The following IKZF2 variants were observed in gnomAD, a reference collection of about 807,000 sequenced individuals.
IKZF2 encodes zinc finger protein Helios.
Under a neutral mutation model 49.2 loss-of-function variants are expected in IKZF2, and 15 were observed. The observed-to-expected ratio is 0.30, with a 90% confidence interval of 0.20 to 0.47. The LOEUF is 0.47. Among genes scored for constraint, IKZF2 ranks in the 20% least tolerant of loss-of-function variants. The pLI, the probability that IKZF2 is intolerant of heterozygous loss-of-function variation, is 1.00. For synonymous variants in IKZF2, 227 were observed against 221.4 expected (o/e 1.03, Z -0.23); for missense variants, 567 against 664.6 (o/e 0.85, Z 1.61).
At chr2:213,133,791 C>CT (rs1419286412) in intron 4 of IKZF2, among the ~76,000 whole-genome samples, 1 of 152,018 alleles carries the variant, frequency 6.6e-6, no homozygotes, top group Non-Finnish European at 1.5e-5. Flanking sequence ...GTAGATTACT[C>CT]TGACACTGGT....
At chr2:213,105,557 C>A (rs2059494758) in intron 4 of IKZF2, among the ~76,000 whole-genome samples, 3 of 110,058 alleles carry the variant, frequency 2.7e-5, no homozygotes, top group South Asian at 6.6e-4. Context: ...TTTTATCTGG[C>A]GTATTTAAAG....
chr2:213,151,788 ACGTG>A (rs1207656565), upstream of IKZF2, among the ~76,000 whole-genome samples: 4 of 146,640 alleles, frequency 2.7e-5, no homozygotes, highest in African/African-American at 9.8e-5. Context: ...GGGCGAGCGG[ACGTG>A]CGTGCGCGCG....
In IKZF2 at chr2:213,124,237, C is replaced by CACTT. The variant is rs1334107540; in HGVS notation, c.139+23470_139+23471insAAGT. Among the ~76,000 whole-genome samples, 13 of 84,072 alleles carry CACTT rather than the reference C, an allele frequency of 1.5e-4. No individual in the cohort carries two copies. In the East Asian group the frequency reaches 3.4e-3, roughly 22 times the overall value. 55.2% of individuals were successfully genotyped at this position (84,072 alleles called of 152,430 possible). On this transcript the variant is annotated intron_variant, in intron 4 of 8. Transcript: ENST00000434687. The stretch of plus-strand genomic sequence containing the variant: ...ATGTCCTTGTGTGCACGCACACATG[C>CACTT]GCTCGCGCGCGCGCGCACACACACA...
Position 213,007,395 on chromosome 2 carries a change from A to T in IKZF2, c.1546T>A (p.Ser516Thr). The change falls in exon 9 of 9, where the codon TCA becomes ACA. Residue 516 changes from serine to threonine, a missense_variant. Physicochemically the swap from Ser to Thr is moderately conservative, Grantham distance 58 (BLOSUM62 1). Around this residue, in one of 5 missense-constraint regions of IKZF2, gnomAD observed 25 missense variants for 27.0 expected, o/e 0.93. Coordinates refer to ENST00000434687, the MANE Select transcript of IKZF2 (RefSeq NM_001387220.1). ...GTGTGCTCCCCTCGAACAATGTGTG[A>T]TGAAAACTCATAACGGTCCTGGCTT... ...YRSQDRYEFS[S>T]HIVRGEHTFH The T allele has an allele frequency of 6.2e-7, 1 of 1,613,456 alleles. No individual in the cohort carries two copies. The highest frequency in any genetic ancestry group is 8.5e-7 in the Non-Finnish European group (1 of 1,179,614).
chr2:213,083,204 C>A (rs188356643), intron 4 of IKZF2, among the ~76,000 whole-genome samples: 6 of 152,064 alleles, frequency 3.9e-5, no homozygotes, highest in African/African-American at 1.2e-4. Flanking sequence ...TCTATAAGTT[C>A]TAGTGCCAGG....
intron 5 of IKZF2, among the ~76,000 whole-genome samples, chr2:213,050,717 T>C (rs1700601328): frequency 6.6e-6 from 1 of 152,118 alleles, no homozygotes; most frequent in Non-Finnish European, 1.5e-5. Context: ...GCCTCAATTA[T>C]AAGTTTGGTC....
In IKZF2 at chr2:213,001,910, A is replaced by C. The variant is rs1462316832; in HGVS notation, c.*5450T>G. The C allele has an allele frequency of 1.3e-5, 2 of 151,990 alleles. No homozygotes were observed. Among genetic ancestry groups the C allele is most frequent in the Admixed American group, 6.6e-5 (1 of 15,180 alleles). The allele number at this position is 151,990 out of a possible 1,614,324, so 9.4% of individuals were successfully genotyped here. On this transcript the variant is annotated 3_prime_UTR_variant, in exon 9 of 9. Coordinates refer to ENST00000434687, the MANE Select transcript of IKZF2 (RefSeq NM_001387220.1). ...AAAACAAGAATAAAACAACAAAAAA[A>C]CCCAGATCCCTTCCCTTGTTACAGT...
At chr2:213,013,259 ATAAT>A (rs1347591525) in intron 8 of IKZF2, among the ~76,000 whole-genome samples, 1 of 152,046 alleles carries the variant, frequency 6.6e-6, no homozygotes, top group Non-Finnish European at 1.5e-5. Flanking sequence ...AAATACGAAA[ATAAT>A]TAACCCATTT....
intron 4 of IKZF2, among the ~76,000 whole-genome samples, chr2:213,129,846 T>C (rs1243478419): frequency 6.6e-6 from 1 of 152,192 alleles, no homozygotes; most frequent in Non-Finnish European, 1.5e-5. Context: ...TCAGGATGTA[T>C]TTTAGAAGCA....
intron 4 of IKZF2, among the ~76,000 whole-genome samples, chr2:213,138,753 TACTA>T (rs1192900087): frequency 2.6e-5 from 4 of 152,190 alleles, no homozygotes; most frequent in East Asian, 3.9e-4. Flanking sequence ...ACAGCTTTCC[TACTA>T]ACTAACATGA....
chr2:213,045,534 A>C (rs1173350829), intron 6 of IKZF2, among the ~76,000 whole-genome samples: 1 of 152,212 alleles, frequency 6.6e-6, no homozygotes, highest in Non-Finnish European at 1.5e-5. Context: ...ACATTCCAAA[A>C]AACATCAAGC....
chr2:213,015,880 C>T (rs1696529263), intron 7 of IKZF2, among the ~76,000 whole-genome samples: 1 of 151,944 alleles, frequency 6.6e-6, no homozygotes, highest in Non-Finnish European at 1.5e-5. Context: ...AATGAGTAGT[C>T]CAAAACCTGG....
chr2:213,145,010 T>G (rs2061000354), intron 4 of IKZF2, among the ~76,000 whole-genome samples: 3 of 151,794 alleles, frequency 2.0e-5, no homozygotes, highest in Admixed American at 6.6e-5. Context: ...ATACAATAGC[T>G]GGCAGCAAGT....
Position 213,014,489 on chromosome 2 carries a change from C to T in IKZF2, c.713-555G>A, listed in dbSNP as rs965103290. 5 of 152,154 alleles carry T rather than the reference C, an allele frequency of 3.3e-5. No homozygotes were observed. In the East Asian group the frequency reaches 9.6e-4, roughly 29 times the overall value. The allele number at this position is 152,154 out of a possible 1,614,324, so 9.4% of individuals were successfully genotyped here. On this transcript the variant is annotated intron_variant, in intron 7 of 8. Transcript: ENST00000434687. ...ACCAAGCAGCCCTCATGAAGAAGAG[C>T]CAATTCTGAACATGTCTATGCACAG... is the stretch of plus-strand genomic sequence containing the variant.
intron 4 of IKZF2, among the ~76,000 whole-genome samples, chr2:213,065,994 C>A (rs1702128773): frequency 6.6e-6 from 1 of 152,106 alleles, no homozygotes; most frequent in Admixed American, 6.6e-5. Flanking sequence ...CCAGCTTACA[C>A]TGCCAAATTT....
At chr2:213,147,401 C>G in intron 4 of IKZF2, 1 of 537,834 alleles carries the variant, frequency 1.9e-6, no homozygotes, top group South Asian at 2.9e-5. Flanking sequence ...TTTTACCCAA[C>G]AACAACAAAA....
rs191585379 is a variant in IKZF2, at chr2:213,094,919, T to A, written c.140-37820A>T. ...AAGATTTCAAGTCTGAAGAACCATA[T>A]AGGGGAGAGTGTTATATTAATGACA... On this transcript the variant is annotated intron_variant, in intron 4 of 8. Coordinates refer to ENST00000434687, the MANE Select transcript of IKZF2 (RefSeq NM_001387220.1). Among the ~76,000 whole-genome samples the A allele has an allele frequency of 3.9e-5, 6 of 152,176 alleles. No homozygotes were observed. The East Asian group carries it at 1.2e-3, about 29-fold the overall frequency.
At chr2:213,103,969 A>T (rs756455632) in intron 4 of IKZF2, among the ~76,000 whole-genome samples, 86 of 152,138 alleles carry the variant, frequency 5.7e-4, no homozygotes, top group Non-Finnish European at 6.9e-4. Flanking sequence ...AATTAAAAAG[A>T]TTTTTAGTAT....
At chr2:213,015,667 C>A (rs1381695618) in intron 7 of IKZF2, among the ~76,000 whole-genome samples, 1 of 151,738 alleles carries the variant, frequency 6.6e-6, no homozygotes, top group African/African-American at 2.4e-5. Flanking sequence ...GATGGATTTA[C>A]AAGCACTTAC....
Sources: gnomAD v4.1 joint callset for allele counts (sites outside exome capture counted in the v4.1 genomes callset) on GRCh38, gnomAD v4.1.1 for gene constraint, gnomAD v4.1.1 regional missense constraint, MANE v1.5 for transcripts, NCBI Gene and HGNC (gene_info 2026-07-23, HGNC 2026-07-21) for gene names.